The following PRKG1 variants were observed in gnomAD, a reference collection of about 807,000 sequenced individuals.
PRKG1 encodes the protein protein kinase cGMP-dependent 1.
A neutral mutation model predicts 88.1 loss-of-function variants in PRKG1; 35 were observed. That is an observed-to-expected ratio of 0.40 (90% CI 0.30 to 0.53). PRKG1 has a LOEUF of 0.53. Ranked by LOEUF, PRKG1 falls within the 20% of genes least tolerant of loss-of-function variation. The probability of loss-of-function intolerance (pLI) is 0.59; values close to 1 mark genes in which losing one functional copy is unlikely to be tolerated. For missense variants in PRKG1, 540 were observed against 839.8 expected, an observed-to-expected ratio of 0.64 and a Z score of 4.41; for synonymous variants, 303 against 292.5, an observed-to-expected ratio of 1.04 and a Z score of -0.37.
chr10:51,404,033 A>T (rs2132673097), intron 2 of PRKG1, among the ~76,000 whole-genome samples: 1 of 152,262 alleles, frequency 6.6e-6, no homozygotes, highest in Non-Finnish European at 1.5e-5. Context: ...GTTGAATTTC[A>T]GTGTTCTAGA....
intron 1 of PRKG1, among the ~76,000 whole-genome samples, chr10:51,115,673 A>G (rs917131671): frequency 1.3e-5 from 2 of 151,660 alleles, no homozygotes; most frequent in African/African-American, 4.8e-5. Flanking sequence ...CCCCGTCTCT[A>G]TTAAAAATAC....
At chr10:51,292,123 A>G (rs1202874805) in intron 2 of PRKG1, among the ~76,000 whole-genome samples, 1 of 152,178 alleles carries the variant, frequency 6.6e-6, no homozygotes, top group African/African-American at 2.4e-5. Flanking sequence ...AAACAGTGGG[A>G]AATGAACACA....
intron 3 of PRKG1, among the ~76,000 whole-genome samples, chr10:51,632,280 T>G (rs1237112582): frequency 6.6e-6 from 1 of 152,166 alleles, no homozygotes; most frequent in Non-Finnish European, 1.5e-5. Context: ...GACCCCCATG[T>G]GATTTTAAAG....
chr10:51,700,122 T>TA (rs1322317664), intron 3 of PRKG1, among the ~76,000 whole-genome samples: 2 of 152,230 alleles, frequency 1.3e-5, no homozygotes, highest in Non-Finnish European at 2.9e-5. Flanking sequence ...CCCCTTAAAC[T>TA]AAAACAGTAT....
At chr10:51,309,147 G>C (rs1298883557) in intron 2 of PRKG1, among the ~76,000 whole-genome samples, 3 of 152,150 alleles carry the variant, frequency 2.0e-5, no homozygotes, top group Admixed American at 2.0e-4. Context: ...AATGTAGTCT[G>C]CTGAACCATG....
intron 9 of PRKG1, among the ~76,000 whole-genome samples, chr10:52,164,032 G>A (rs898819936): frequency 6.6e-6 from 1 of 152,112 alleles, no homozygotes; most frequent in Non-Finnish European, 1.5e-5. Flanking sequence ...ATTGATGGCA[G>A]TGTGTAAAAA....
intron 2 of PRKG1, among the ~76,000 whole-genome samples, chr10:51,435,248 T>C (rs915417953): frequency 6.6e-6 from 1 of 151,938 alleles, no homozygotes; most frequent in Non-Finnish European, 1.5e-5. Context: ...ATGTGTTTGC[T>C]TGTTTGTTTG....
intron 1 of PRKG1, among the ~76,000 whole-genome samples, chr10:50,992,238 A>T (rs1471735162): frequency 6.6e-6 from 1 of 151,620 alleles, no homozygotes; most frequent in East Asian, 2.0e-4. Flanking sequence ...TAGGGCAGGG[A>T]TCCAGCCTGG....
intron 14 of PRKG1, among the ~76,000 whole-genome samples, chr10:52,284,298 T>A (rs577907033): frequency 1.7e-4 from 26 of 152,180 alleles, no homozygotes; most frequent in Admixed American, 8.5e-4. Flanking sequence ...TATGTTGTAT[T>A]TTCAAAACCA....
chr10:51,974,402 C>T (rs1817398824), intron 5 of PRKG1, among the ~76,000 whole-genome samples: 1 of 152,234 alleles, frequency 6.6e-6, no homozygotes, highest in South Asian at 2.1e-4. Flanking sequence ...AAAGGATCAT[C>T]CTGGAATACC....
chr10:52,091,099 C>T (rs1225549895), intron 7 of PRKG1, among the ~76,000 whole-genome samples: 1 of 152,090 alleles, frequency 6.6e-6, no homozygotes, highest in Non-Finnish European at 1.5e-5. Context: ...TCTCAGGAGT[C>T]TGTAATGAAG....
chr10:52,249,268 C>A (rs184793693), intron 9 of PRKG1, among the ~76,000 whole-genome samples: 410 of 151,568 alleles, frequency 2.7e-3, no homozygotes, highest in African/African-American at 9.5e-3. Context: ...TGGATAGCTA[C>A]TTATCTCCTG....
chr10:51,386,798 A>AAATC (rs749748964), intron 2 of PRKG1, among the ~76,000 whole-genome samples: 10 of 125,678 alleles, frequency 8.0e-5, no homozygotes, highest in Non-Finnish European at 2.0e-4. Flanking sequence ...TTCTTATAAT[A>AAATC]AATCATTTAA....
At chr10:51,288,491 G>A (rs1840499847) in intron 2 of PRKG1, among the ~76,000 whole-genome samples, 1 of 152,134 alleles carries the variant, frequency 6.6e-6, no homozygotes, top group African/African-American at 2.4e-5. Context: ...CAGTTTTAAA[G>A]GGACTGAGTC....
chr10:52,020,775 C>T (rs1415641324), intron 5 of PRKG1, among the ~76,000 whole-genome samples: 1 of 152,106 alleles, frequency 6.6e-6, no homozygotes, highest in African/African-American at 2.4e-5. Flanking sequence ...TGGTGGAGTG[C>T]CCCTGGAAGG....
chr10:51,274,172 G>A (rs944155684), intron 2 of PRKG1, among the ~76,000 whole-genome samples: 5 of 152,136 alleles, frequency 3.3e-5, no homozygotes, highest in Admixed American at 3.3e-4. Context: ...TGAAGTGAGA[G>A]TATTTGCTGC....
At chr10:51,848,821 T>A (rs1236392835) in intron 4 of PRKG1, among the ~76,000 whole-genome samples, 2 of 151,768 alleles carry the variant, frequency 1.3e-5, no homozygotes, top group Non-Finnish European at 2.9e-5. Context: ...TGCATTTTCC[T>A]TAAGCAAAGA....
intron 3 of PRKG1, among the ~76,000 whole-genome samples, chr10:51,743,742 A>C (rs1222109162): frequency 9.9e-6 from 1 of 100,712 alleles, no homozygotes; most frequent in Non-Finnish European, 1.9e-5. Context: ...AACTAAATAT[A>C]TATATATATA....
chr10:51,885,811 G>A (rs1181879328), intron 4 of PRKG1, among the ~76,000 whole-genome samples: 1 of 151,812 alleles, frequency 6.6e-6, no homozygotes, highest in Non-Finnish European at 1.5e-5. Context: ...ATCTGCTTGG[G>A]CCTTTCCCCC....
Sources: allele counts gnomAD v4.1 joint callset (sites outside exome capture counted in the v4.1 genomes callset), GRCh38; gene constraint gnomAD v4.1.1; transcripts MANE v1.5; gene names NCBI Gene and HGNC (gene_info 2026-07-23, HGNC 2026-07-21).